Variants in PACS2 observed in about 807,000 individuals in gnomAD.
PACS2 encodes the protein phosphofurin acidic cluster sorting protein 2.
A neutral mutation model predicts 113.0 loss-of-function variants in PACS2; 36 were observed. That is an observed-to-expected ratio of 0.32 (90% CI 0.24 to 0.42). The LOEUF is 0.42. PACS2 is among the 10% of genes least tolerant of loss of function. The pLI is 1.00. For missense variants in PACS2, 1,015 were observed against 1,239.5 expected (o/e 0.82, Z 2.72); for synonymous variants, 589 against 536.1 (o/e 1.10, Z -1.36).
intron 4 of PACS2, among the ~76,000 whole-genome samples, chr14:105,363,768 TG>T (rs1322018713): frequency 1.4e-4 from 21 of 152,178 alleles, no homozygotes; most frequent in Admixed American, 1.0e-3. Context: ...GCCCTCACCC[TG>T]TCTCGGCTCT....
intron 14 of PACS2, 43 bp downstream of exon 14, chr14:105,382,624 C>T (rs782123545): frequency 7.9e-7 from 1 of 1,269,406 alleles, no homozygotes; most frequent in South Asian, 1.2e-5. Flanking sequence ...GGGTGTAGGA[C>T]AGAGGAGAGT....
chr14:105,304,777 C>A (rs981844839), intron 1 of PACS2, among the ~76,000 whole-genome samples: 2 of 152,226 alleles, frequency 1.3e-5, no homozygotes, highest in Non-Finnish European at 2.9e-5. Flanking sequence ...TCACGTCTTA[C>A]GTGGATGGCA....
chr14:105,333,983 C>T (rs587637887), intron 1 of PACS2, among the ~76,000 whole-genome samples: 1 of 152,372 alleles, frequency 6.6e-6, no homozygotes, highest in East Asian at 1.9e-4. Flanking sequence ...CCCATTCCTG[C>T]TGGGAGACAC....
Position 105,368,408 on chromosome 14 carries a change from C to T in PACS2, c.661-51C>T, listed in dbSNP as rs1555408498. The T allele has an allele frequency of 2.8e-6, 4 of 1,422,006 alleles. No homozygotes were observed. In the South Asian group the frequency reaches 4.6e-5, roughly 16 times the overall value. 88.1% of individuals were successfully genotyped at this position (1,422,006 alleles called of 1,614,324 possible). ...CCACGCTGAGGCTGGCAGGGTCCTG[C>T]CAGCACTATGCAGGCTGCCGTGGCC... is the stretch of plus-strand genomic sequence containing the variant. On this transcript the variant is annotated intron_variant, in intron 6 of 24. Coordinates refer to ENST00000447393, the MANE Select transcript of PACS2 (RefSeq NM_001100913.3).
chr14:105,376,890 C>T lies in PACS2; in HGVS notation c.924C>T (p.Asp308=), dbSNP rs146162539. Residue 308 remains aspartate (D), a synonymous_variant, in exon 9 of 25, where the codon GAC becomes GAT. Coordinates refer to ENST00000447393, the MANE Select transcript of PACS2 (RefSeq NM_001100913.3). This position sits in a 1 kb window ranked among gnomAD's most constrained non-coding sequence, Gnocchi z 4.7. Reference sequence around the variant, plus strand: ...ACAGCGGCCCCGACATGGAGGATGACGACAGCGTCCTCAGCACCCCCAAGC... The same window carrying T: ...ACAGCGGCCCCGACATGGAGGATGATGACAGCGTCCTCAGCACCCCCAAGC... ...PSDSGPDMED[D]DSVLSTPKPK... is the part of the protein sequence containing the mutation. 527 of 1,612,334 alleles carry T rather than the reference C, an allele frequency of 3.3e-4. No individual in the cohort carries two copies. The highest frequency in any genetic ancestry group is 4.0e-4 in the Non-Finnish European group (475 of 1,179,530).
At chr14:105,343,345 T>C (rs1483600563) in intron 1 of PACS2, among the ~76,000 whole-genome samples, 1 of 152,210 alleles carries the variant, frequency 6.6e-6, no homozygotes, top group Non-Finnish European at 1.5e-5. Flanking sequence ...GGGATCTGTG[T>C]AGGGACATAT....
intron 1 of PACS2, among the ~76,000 whole-genome samples, chr14:105,338,446 G>T (rs2059607829): frequency 6.6e-6 from 1 of 152,176 alleles, no homozygotes; most frequent in African/African-American, 2.4e-5. Flanking sequence ...GTCCTTTGCT[G>T]TCTTTACTTT....
intron 1 of PACS2, among the ~76,000 whole-genome samples, chr14:105,327,378 C>G (rs1438669820): frequency 2.6e-5 from 4 of 152,214 alleles, no homozygotes; most frequent in Non-Finnish European, 5.9e-5. Flanking sequence ...GATCGTGGGC[C>G]TGAGGGGCGG....
chr14:105,387,630 G>A (rs2081222793), intron 19 of PACS2, among the ~76,000 whole-genome samples: 1 of 152,258 alleles, frequency 6.6e-6, no homozygotes, highest in South Asian at 2.1e-4. Flanking sequence ...GCTGGGTGCT[G>A]TCTGCATGGC....
chr14:105,382,861 C>T lies in PACS2; in HGVS notation c.1573C>T (p.Pro525Ser). The change falls in exon 15 of 25, where the codon CCT (proline) becomes TCT (serine). Residue 525 changes from proline to serine, a missense_variant. Around this residue, in one of 3 missense-constraint regions of PACS2, gnomAD observed 859 missense variants for 1,056.8 expected, o/e 0.81. Transcript: ENST00000447393. Reference sequence around the variant, plus strand: ...GCTCCCCGTGGTGTGCACGTGCTCTCCTGCGGACGTCCAGGCGGCCTTCAG... The same window carrying T: ...GCTCCCCGTGGTGTGCACGTGCTCTTCTGCGGACGTCCAGGCGGCCTTCAG... ...HTLPVVCTCS[P>S]ADVQAAFSTI... 2 of 1,607,678 alleles carry T rather than the reference C, an allele frequency of 1.2e-6. No individual in the cohort carries two copies. The highest frequency in any genetic ancestry group is 1.7e-6 in the Non-Finnish European group (2 of 1,179,582).
At position 105,397,893 on chromosome 14, in the gene PACS2, G is replaced by C. The variant is rs1158604867; in HGVS notation, c.*3221G>C. 6.6e-6 allele frequency: 1 copy of C among 152,286 alleles called. No homozygotes were observed. The highest frequency in any genetic ancestry group is 2.4e-5 in the African/African-American group (1 of 41,458). 9.4% of individuals were successfully genotyped at this position (152,286 alleles called of 1,614,324 possible). On this transcript the variant is annotated 3_prime_UTR_variant, in exon 25 of 25. Transcript: ENST00000447393. ...GCGGGTGTGTGGCCTGTAGGGGACT[G>C]AGAGCTGGGCTTGCTGGGCACCTCT...
Position 105,355,902 on chromosome 14 carries a change from A to G in PACS2, c.423+725A>G, listed in dbSNP as rs2060425360. Among the ~76,000 whole-genome samples, 2 of 152,140 alleles carry G rather than the reference A, an allele frequency of 1.3e-5. No homozygotes were observed. ...GAGAAGGGGCAGCCCAGGGCCCCAGACCAGTTTGTCTCTTTTGCTTCAGAA... is the reference window on the plus strand; with the variant it reads ...GAGAAGGGGCAGCCCAGGGCCCCAGGCCAGTTTGTCTCTTTTGCTTCAGAA... On this transcript the variant is annotated intron_variant, in intron 4 of 24. Transcript: ENST00000447393. This position sits in a 1 kb window ranked among gnomAD's most constrained non-coding sequence, Gnocchi z 4.1.
At chr14:105,319,394 G>A (rs916677145) in intron 1 of PACS2, among the ~76,000 whole-genome samples, 5 of 152,234 alleles carry the variant, frequency 3.3e-5, no homozygotes, top group Non-Finnish European at 5.9e-5. Context: ...GGTCTTGAAT[G>A]TATTTTGAGA....
chr14:105,327,897 G>A (rs587605917), intron 1 of PACS2, among the ~76,000 whole-genome samples: 1 of 151,168 alleles, frequency 6.6e-6, no homozygotes, highest in Admixed American at 6.6e-5. Flanking sequence ...TGGCTCACCG[G>A]CCCAGGCCAC....
chr14:105,377,965 G>T, intron 9 of PACS2, among the ~76,000 whole-genome samples: 1 of 152,244 alleles, frequency 6.6e-6, no homozygotes, highest in East Asian at 1.9e-4. Flanking sequence ...GTGGCTGCGG[G>T]ATGGGGGTCT....
At chr14:105,372,443 T>C (rs985918395) in intron 8 of PACS2, 1 of 152,216 alleles carries the variant, frequency 6.6e-6, no homozygotes, top group Non-Finnish European at 1.5e-5. Context: ...TGTAAAAGCC[T>C]AAAATTTAAA....
At chr14:105,339,838 T>A (rs12879280) in intron 1 of PACS2, among the ~76,000 whole-genome samples, 19 of 152,358 alleles carry the variant, frequency 1.2e-4, no homozygotes, top group Non-Finnish European at 2.2e-4. Flanking sequence ...AGAGAGGAGT[T>A]TCACCATGTT....
chr14:105,348,751 A>G lies in PACS2; in HGVS notation c.207+171A>G, dbSNP rs2060038344. The G allele has an allele frequency of 1.6e-6, 1 of 613,490 alleles. No individual in the cohort carries two copies. Among genetic ancestry groups the G allele is most frequent in the Non-Finnish European group, 2.9e-6 (1 of 341,942 alleles). 38.0% of individuals were successfully genotyped at this position (613,490 alleles called of 1,614,324 possible). A position where few individuals can be genotyped will look rare whatever the true frequency, so the allele number is the denominator to read the frequency against. On this transcript the variant is annotated intron_variant, in intron 2 of 24. Transcript: ENST00000447393. The surrounding 1 kb of genome is among the most constrained non-coding windows in gnomAD (Gnocchi z 6.4). ...GGAATGACAGGATGCTCCTGGGTCC[A>G]GTCCTGTCCCGCACAAGGGAGGCAG...
At chr14:105,300,817 C>T (rs2057983699) in exon 1 of PACS2, 1 of 225,530 alleles carries the variant, frequency 4.4e-6, no homozygotes, top group Admixed American at 6.1e-5. Context: ...CCGCAACGGC[C>T]GCGCCCGCGG....
Sources: allele counts gnomAD v4.1 joint callset (sites outside exome capture counted in the v4.1 genomes callset), GRCh38; gene constraint gnomAD v4.1.1; regional missense constraint gnomAD v4.1.1; non-coding constraint Gnocchi (gnomAD v3.1); transcripts MANE v1.5; gene names NCBI Gene and HGNC (gene_info 2026-07-23, HGNC 2026-07-21).